ST6GALNAC3: variants seen among roughly 807,000 people sequenced by gnomAD.
ST6GALNAC3 encodes the protein alpha-N-acetylgalactosaminide alpha-2,6-sialyltransferase 3.
Under a neutral mutation model 32.7 loss-of-function variants are expected in ST6GALNAC3, and 25 were observed. The observed-to-expected ratio is 0.76, with a 90% CI of 0.56 to 1.07. The LOEUF (loss-of-function observed/expected upper bound fraction) is 1.07, where lower values mean the gene tolerates loss of function less well. ST6GALNAC3 is among the 50% of genes least tolerant of loss of function. The probability of loss-of-function intolerance (pLI) is 0.00; values close to 1 mark genes in which losing one functional copy is unlikely to be tolerated. For missense variants in ST6GALNAC3, 355 were observed against 382.4 expected (o/e 0.93, Z 0.60); for synonymous variants, 129 against 133.1 (o/e 0.97, Z 0.21).
At chr1:76,138,735 C>T (rs1391864340) in intron 1 of ST6GALNAC3, among the ~76,000 whole-genome samples, 1 of 152,164 alleles carries the variant, frequency 6.6e-6, no homozygotes. Context: ...CAGTAGAGTG[C>T]CTTTTTACAT....
chr1:76,546,672 A>G (rs1401731732), intron 3 of ST6GALNAC3, among the ~76,000 whole-genome samples: 3 of 152,230 alleles, frequency 2.0e-5, no homozygotes, highest in Non-Finnish European at 4.4e-5. Flanking sequence ...CAGATGCCAG[A>G]TCTCAGTGAT....
intron 3 of ST6GALNAC3, among the ~76,000 whole-genome samples, chr1:76,485,154 G>A (rs1027057099): frequency 2.6e-5 from 4 of 152,158 alleles, no homozygotes; most frequent in East Asian, 1.9e-4. Context: ...TTGCATCGAT[G>A]TTCATCAGGG....
At chr1:76,363,203 T>G (rs1339256788) in intron 2 of ST6GALNAC3, among the ~76,000 whole-genome samples, 2 of 152,248 alleles carry the variant, frequency 1.3e-5, no homozygotes, top group African/African-American at 4.8e-5. Context: ...TAGGTTGTTA[T>G]TAACAGCTGG....
intron 1 of ST6GALNAC3, among the ~76,000 whole-genome samples, chr1:76,190,027 G>C (rs1467480931): frequency 1.3e-5 from 2 of 152,110 alleles, no homozygotes; most frequent in African/African-American, 4.8e-5. Flanking sequence ...TTCTTTATAA[G>C]AATCTTCTGA....
rs1323429415 is a variant in ST6GALNAC3, at chr1:76,630,480, T to C, written c.*1674T>C. The C allele has an allele frequency of 4.1e-6, 4 of 985,114 alleles. No homozygotes were observed. Among genetic ancestry groups the C allele is most frequent in the Non-Finnish European group, 3.6e-6 (3 of 829,846 alleles). The allele number at this position is 985,114 out of a possible 1,614,324, so 61.0% of individuals were successfully genotyped here. On this transcript the variant is annotated 3_prime_UTR_variant, in exon 5 of 5. Transcript: ENST00000328299. ...TGCTCATTAAATAGTAAAGGGTTGA[T>C]TTGCTGCAAGAGTAGCTGAGAATTC...
At chr1:76,076,014 T>C (rs1646811645) in intron 1 of ST6GALNAC3, among the ~76,000 whole-genome samples, 1 of 152,148 alleles carries the variant, frequency 6.6e-6, no homozygotes, top group African/African-American at 2.4e-5. Flanking sequence ...CTCGTAGAAG[T>C]TGTTTCCCCT....
chr1:76,412,220 T>C lies in ST6GALNAC3; in HGVS notation c.426T>C (p.Tyr142=). ...CTCTTTTGCTAAAAAACCCTGATTA[T>C]TTTTTCAAGGAAGCGAATACTACTA... ...SVPLLLKNPD[Y]FFKEANTTIY... is the part of the protein sequence containing the mutation. The change falls in exon 3 of 5, where the codon TAT becomes TAC. Residue 142 remains tyrosine, a synonymous_variant. Transcript: ENST00000328299. The C allele has an allele frequency of 6.2e-7, 1 of 1,613,784 alleles. No homozygotes were observed. The highest frequency in any genetic ancestry group is 8.5e-7 in the Non-Finnish European group (1 of 1,179,842).
At chr1:76,479,718 C>G (rs948265614) in intron 3 of ST6GALNAC3, among the ~76,000 whole-genome samples, 1 of 152,142 alleles carries the variant, frequency 6.6e-6, no homozygotes, top group Non-Finnish European at 1.5e-5. Flanking sequence ...GGTCTCACCT[C>G]TCATCCCTGT....
At chr1:76,335,430 AACACAC>A (rs60059592) in intron 2 of ST6GALNAC3, among the ~76,000 whole-genome samples, 34 of 145,366 alleles carry the variant, frequency 2.3e-4, no homozygotes, top group South Asian at 6.6e-4. Flanking sequence ...CATCACAGGG[AACACAC>A]ACACACACAC....
intron 3 of ST6GALNAC3, among the ~76,000 whole-genome samples, chr1:76,584,153 G>A (rs1409641036): frequency 1.3e-5 from 2 of 152,194 alleles, no homozygotes; most frequent in Non-Finnish European, 2.9e-5. Context: ...TATAGAAGCT[G>A]GATAACTTGC....
chr1:76,277,957 C>G lies in ST6GALNAC3; in HGVS notation c.19-35848C>G, dbSNP rs190956219. Reference sequence around the variant, plus strand: ...TCCTCCCACATTCTCACGCCTAGACCTTATTCTTCAGGAATGTCTTGGTCA... The same window carrying G: ...TCCTCCCACATTCTCACGCCTAGACGTTATTCTTCAGGAATGTCTTGGTCA... On this transcript the variant is annotated intron_variant, in intron 1 of 4. Coordinates refer to ENST00000328299, the MANE Select transcript of ST6GALNAC3 (RefSeq NM_152996.4). Among the ~76,000 whole-genome samples, 45 of 152,182 alleles carry G rather than the reference C, an allele frequency of 3.0e-4. No homozygotes were observed. In the East Asian group the frequency reaches 7.3e-3, roughly 25 times the overall value.
chr1:76,085,153 C>T (rs1332349694), intron 1 of ST6GALNAC3, among the ~76,000 whole-genome samples: 1 of 152,052 alleles, frequency 6.6e-6, no homozygotes, highest in African/African-American at 2.4e-5. Flanking sequence ...ATATGAAATT[C>T]AAATTTTTCA....
intron 3 of ST6GALNAC3, among the ~76,000 whole-genome samples, chr1:76,486,588 T>C (rs1660131437): frequency 6.6e-6 from 1 of 152,162 alleles, no homozygotes; most frequent in Non-Finnish European, 1.5e-5. Context: ...ATAGATCTTC[T>C]GCCATCCCTT....
chr1:76,245,396 T>A (rs1381366617), intron 1 of ST6GALNAC3, among the ~76,000 whole-genome samples: 1 of 152,082 alleles, frequency 6.6e-6, no homozygotes, highest in Non-Finnish European at 1.5e-5. Context: ...GATTCATTGA[T>A]TTTTTTGAAG....
Position 76,509,839 on chromosome 1 carries a change from TG to T in ST6GALNAC3, c.623+97424del, listed in dbSNP as rs1661731596. Among the ~76,000 whole-genome samples the T allele has an allele frequency of 6.6e-6, 1 of 152,180 alleles. No homozygotes were observed. The highest frequency in any genetic ancestry group is 1.5e-5 in the Non-Finnish European group (1 of 68,024). ...TCTATTTCTCTTTTAAGGACCCCCA[TG>T]GTTACATTGGGCCAGAATAATCCTT... On this transcript the variant is annotated intron_variant, in intron 3 of 4. Transcript: ENST00000328299. This position sits in a 1 kb window ranked among gnomAD's most constrained non-coding sequence, Gnocchi z 5.5.
chr1:76,081,813 A>C (rs1646900193), intron 1 of ST6GALNAC3, among the ~76,000 whole-genome samples: 1 of 152,072 alleles, frequency 6.6e-6, no homozygotes, highest in South Asian at 2.1e-4. Flanking sequence ...TTTTATATTC[A>C]TTTTATCAAG....
chr1:76,245,154 C>G (rs58321145), intron 1 of ST6GALNAC3, among the ~76,000 whole-genome samples: 10,491 of 152,026 alleles, frequency 0.069, 911 homozygotes, highest in African/African-American at 0.21. Flanking sequence ...TCCTGGTTTA[C>G]TCTTGGGAGG....
At chr1:76,332,335 A>G (rs1409440794) in intron 2 of ST6GALNAC3, among the ~76,000 whole-genome samples, 2 of 152,138 alleles carry the variant, frequency 1.3e-5, no homozygotes, top group Non-Finnish European at 2.9e-5. Context: ...TTCTTTTTCC[A>G]GTCATCTCAT....
At chr1:76,618,599 T>G (rs1370774235) in intron 3 of ST6GALNAC3, among the ~76,000 whole-genome samples, 2 of 152,158 alleles carry the variant, frequency 1.3e-5, no homozygotes, top group African/African-American at 4.8e-5. Context: ...TTTTATTTCC[T>G]ACTTATAAAT....
Sources: gnomAD v4.1 joint callset for allele counts (sites outside exome capture counted in the v4.1 genomes callset) on GRCh38, gnomAD v4.1.1 for gene constraint, Gnocchi (gnomAD v3.1) non-coding constraint, MANE v1.5 for transcripts, NCBI Gene and HGNC (gene_info 2026-07-23, HGNC 2026-07-21) for gene names.